CCDC178: variants seen among roughly 807,000 people sequenced by gnomAD.
The protein encoded by CCDC178 is coiled-coil domain containing 178, also known as coiled-coil domain-containing protein 178.
CCDC178 carries 126 observed loss-of-function variants against 117.4 expected under a neutral mutation model. The ratio of observed to expected loss-of-function variants is 1.07; its 90% confidence interval spans 0.93 to 1.24. CCDC178 has a LOEUF of 1.24. Ranked by LOEUF, CCDC178 falls within the 50% of genes most tolerant of loss-of-function variation. The pLI, the probability that CCDC178 is intolerant of heterozygous loss-of-function variation, is 0.00. For missense variants in CCDC178, 1,030 were observed against 986.9 expected, an observed-to-expected ratio of 1.04 and a Z score of -0.59; for synonymous variants, 283 against 313.4, an observed-to-expected ratio of 0.90 and a Z score of 1.02.
At chr18:33,086,135 G>GT (rs1398023484) in intron 21 of CCDC178, among the ~76,000 whole-genome samples, 1 of 151,750 alleles carries the variant, frequency 6.6e-6, no homozygotes, top group Non-Finnish European at 1.5e-5. Context: ...TTAAACATAG[G>GT]TTTTAAGTGA....
At chr18:33,027,915 A>G (rs1487904842) in intron 21 of CCDC178, among the ~76,000 whole-genome samples, 1 of 151,756 alleles carries the variant, frequency 6.6e-6, no homozygotes, top group East Asian at 1.9e-4. Context: ...CAAGTGAAAA[A>G]TACTAGTCAA....
At chr18:33,136,729 A>G (rs1019282190) in intron 20 of CCDC178, among the ~76,000 whole-genome samples, 2 of 152,082 alleles carry the variant, frequency 1.3e-5, no homozygotes, top group Non-Finnish European at 2.9e-5. Flanking sequence ...GTGCTATCCT[A>G]TTTTTTCTGA....
chr18:33,009,539 A>G (rs2055819564), intron 21 of CCDC178, among the ~76,000 whole-genome samples: 1 of 151,866 alleles, frequency 6.6e-6, no homozygotes, highest in East Asian at 1.9e-4. Flanking sequence ...TAGTTCCTCA[A>G]TTCCTTCATA....
chr18:33,389,500 G>C, intron 5 of CCDC178, 40 bp downstream of exon 5: 1 of 938,998 alleles, frequency 1.1e-6, no homozygotes, highest in Non-Finnish European at 1.5e-6. Context: ...TATAAATATA[G>C]TTTATATAGT....
intron 10 of CCDC178, among the ~76,000 whole-genome samples, chr18:33,324,682 T>C (rs545996524): frequency 7.6e-6 from 1 of 131,272 alleles, no homozygotes; most frequent in East Asian, 1.9e-4. Flanking sequence ...GTAACAATTT[T>C]GGAATGATTG....
chr18:33,368,502 A>G (rs1599230547), intron 6 of CCDC178, among the ~76,000 whole-genome samples: 2 of 152,018 alleles, frequency 1.3e-5, no homozygotes, highest in East Asian at 3.9e-4. Context: ...TTTTTTAAAG[A>G]TAAGATATAA....
At chr18:32,977,672 G>A (rs998804421) in intron 21 of CCDC178, among the ~76,000 whole-genome samples, 4 of 152,150 alleles carry the variant, frequency 2.6e-5, no homozygotes, top group African/African-American at 7.2e-5. Flanking sequence ...GCCTTACTGA[G>A]TGGAATCAGA....
intron 20 of CCDC178, among the ~76,000 whole-genome samples, chr18:33,129,446 C>A (rs1356991651): frequency 6.6e-6 from 1 of 151,940 alleles, no homozygotes; most frequent in East Asian, 1.9e-4. Context: ...CACTGTACAG[C>A]AAATCATGGC....
At chr18:32,969,672 CT>C (rs1319267044) in intron 22 of CCDC178, among the ~76,000 whole-genome samples, 1 of 151,908 alleles carries the variant, frequency 6.6e-6, no homozygotes, top group African/African-American at 2.4e-5. Context: ...CAATATGACC[CT>C]TAAATTATGC....
intron 11 of CCDC178, among the ~76,000 whole-genome samples, chr18:33,300,934 A>G (rs2062169075): frequency 6.6e-6 from 1 of 152,238 alleles, no homozygotes; most frequent in Non-Finnish European, 1.5e-5. Flanking sequence ...AAAGATTAGT[A>G]TGACTAAAAG....
chr18:33,333,600 C>T (rs1207826841), intron 9 of CCDC178, among the ~76,000 whole-genome samples: 1 of 142,714 alleles, frequency 7.0e-6, no homozygotes, highest in Non-Finnish European at 1.5e-5. Flanking sequence ...ACTGCAACCT[C>T]TGCCTCCCAG....
intron 20 of CCDC178, among the ~76,000 whole-genome samples, chr18:33,105,370 A>C (rs1174972218): frequency 2.0e-5 from 3 of 151,658 alleles, no homozygotes; most frequent in African/African-American, 7.2e-5. Context: ...TTCTGCTCTT[A>C]TGCTTGGTAC....
chr18:33,156,134 G>C (rs1370434644), intron 20 of CCDC178, among the ~76,000 whole-genome samples: 2 of 145,358 alleles, frequency 1.4e-5, no homozygotes, highest in African/African-American at 2.6e-5. Context: ...TGTCGCCCAG[G>C]GTGGAGTGCA....
At chr18:33,130,584 T>C (rs1893262229) in intron 20 of CCDC178, among the ~76,000 whole-genome samples, 2 of 151,988 alleles carry the variant, frequency 1.3e-5, no homozygotes, top group Admixed American at 6.6e-5. Flanking sequence ...CAAGGTCATG[T>C]TTAAACACAC....
At chr18:33,369,612 T>C (rs745327426) in intron 6 of CCDC178, among the ~76,000 whole-genome samples, 18 of 152,164 alleles carry the variant, frequency 1.2e-4, no homozygotes, top group Non-Finnish European at 1.9e-4. Flanking sequence ...TAAAAAGACA[T>C]AGAATCATTA....
At chr18:32,999,476 T>C (rs549304061) in intron 21 of CCDC178, among the ~76,000 whole-genome samples, 53 of 152,266 alleles carry the variant, frequency 3.5e-4, no homozygotes, top group African/African-American at 1.2e-3. Flanking sequence ...TAGAGCCCTA[T>C]GGCTTTGAGC....
chr18:33,328,654 CTTTA>C (rs1200816507), intron 10 of CCDC178, among the ~76,000 whole-genome samples: 4 of 152,080 alleles, frequency 2.6e-5, no homozygotes, highest in Non-Finnish European at 5.9e-5. Context: ...TTCAGTTCTA[CTTTA>C]TTTATCTATT....
intron 21 of CCDC178, among the ~76,000 whole-genome samples, chr18:33,058,521 A>G (rs189414919): frequency 1.3e-5 from 2 of 152,338 alleles, no homozygotes; most frequent in East Asian, 3.9e-4. Context: ...TAATTGATAC[A>G]TAGCCTCTTC....
intron 20 of CCDC178, among the ~76,000 whole-genome samples, chr18:33,192,726 C>A (rs1282855140): frequency 6.6e-6 from 1 of 151,282 alleles, no homozygotes; most frequent in Non-Finnish European, 1.5e-5. Context: ...CATGGCGAAA[C>A]CCCGTCTCTA....
Sources: gnomAD v4.1 joint callset for allele counts (sites outside exome capture counted in the v4.1 genomes callset) on GRCh38, gnomAD v4.1.1 for gene constraint, MANE v1.5 for transcripts, NCBI Gene and HGNC (gene_info 2026-07-23, HGNC 2026-07-21) for gene names.